The following SERBP1 variants were observed in gnomAD, a reference collection of about 807,000 sequenced individuals.
SERBP1 encodes the protein SERPINE1 mRNA-binding protein 1.
In SERBP1, 6 loss-of-function variants were observed where a neutral mutation model predicts 50.2. That is an observed-to-expected ratio of 0.12 (90% CI 0.07 to 0.24). The LOEUF is 0.24. Ranked by LOEUF, SERBP1 falls within the 10% of genes least tolerant of loss-of-function variation. The pLI is 1.00. For missense variants in SERBP1, 346 were observed against 524.9 expected, an observed-to-expected ratio of 0.66 and a Z score of 3.33; for synonymous variants, 168 against 182.8, an observed-to-expected ratio of 0.92 and a Z score of 0.65.
rs1270173867 is a variant in SERBP1, at chr1:67,409,240, T to G, written c.*3967A>C. ...CAGACTGTTTCAAAGAAACAAACTC[T>G]TGTAACCCGAGAGTGACAGTTCCGG... On this transcript the variant is annotated 3_prime_UTR_variant, in exon 8 of 8. Transcript: ENST00000361219. 1 of 151,790 alleles carries G rather than the reference T, an allele frequency of 6.6e-6. No individual in the cohort carries two copies. Among genetic ancestry groups the G allele is most frequent in the African/African-American group, 2.4e-5 (1 of 41,330 alleles). 9.4% of individuals were successfully genotyped at this position (151,790 alleles called of 1,614,324 possible). A position where few individuals can be genotyped will look rare whatever the true frequency, so the allele number is the denominator to read the frequency against.
At chr1:67,424,404 T>G in intron 4 of SERBP1, 127 bp from the exon 5 acceptor site, 1 of 1,215,218 alleles carries the variant, frequency 8.2e-7, no homozygotes, top group East Asian at 2.4e-5. Context: ...TACCATAAGC[T>G]CTCACATTCT....
chr1:67,426,296 A>C lies in SERBP1; in HGVS notation c.314-11T>G. 1 of 1,576,822 alleles carries C rather than the reference A, an allele frequency of 6.3e-7. No individual in the cohort carries two copies. The highest frequency in any genetic ancestry group is 8.6e-7 in the Non-Finnish European group (1 of 1,164,244). The stretch of plus-strand genomic sequence containing the variant: ...CAACTCGTCTTATTCCTAAAACGAT[A>C]AGATAACCTGCATAAGCAAATTATT... On this transcript the variant is annotated splice_polypyrimidine_tract_variant and intron_variant, in intron 1 of 7. Transcript: ENST00000361219.
intron 1 of SERBP1, 23 bp downstream of exon 1, chr1:67,429,965 C>T (rs1667518479): frequency 6.3e-7 from 1 of 1,578,146 alleles, no homozygotes; most frequent in African/African-American, 1.4e-5. Flanking sequence ...CCCAGTCTCC[C>T]CCACATTCTG....
intron 5 of SERBP1, among the ~76,000 whole-genome samples, chr1:67,423,485 T>C (rs1035442471): frequency 5.3e-5 from 8 of 151,680 alleles, no homozygotes; most frequent in African/African-American, 1.7e-4. Flanking sequence ...CAGGCACCTA[T>C]AGTCCCAGCT....
chr1:67,419,307 T>C (rs1013847361), intron 6 of SERBP1, among the ~76,000 whole-genome samples: 1 of 152,270 alleles, frequency 6.6e-6, no homozygotes, highest in African/African-American at 2.4e-5. Context: ...TAACTGGTTA[T>C]GTTATCACTA....
intron 5 of SERBP1, among the ~76,000 whole-genome samples, chr1:67,423,888 C>G (rs12566098): frequency 0.58 from 87,641 of 151,838 alleles, 27,194 homozygotes; most frequent in Non-Finnish European, 0.69. Flanking sequence ...TACACATAAA[C>G]CACTCTTTTA....
At chr1:67,421,407 T>G (rs948363193) in intron 5 of SERBP1, among the ~76,000 whole-genome samples, 1 of 152,168 alleles carries the variant, frequency 6.6e-6, no homozygotes, top group Admixed American at 6.5e-5. Flanking sequence ...AGTTAGTTCA[T>G]CAAAGTCAGC....
intron 1 of SERBP1, among the ~76,000 whole-genome samples, chr1:67,426,497 CATAA>C (rs1211702793): frequency 6.6e-6 from 1 of 152,126 alleles, no homozygotes; most frequent in African/African-American, 2.4e-5. Flanking sequence ...CGACTAAATA[CATAA>C]ATAAATAAAA....
At chr1:67,420,337 C>T (rs571123119) in intron 5 of SERBP1, 151 bp from the exon 6 acceptor site, 1 of 640,646 alleles carries the variant, frequency 1.6e-6, no homozygotes, top group East Asian at 3.0e-5. Flanking sequence ...TCCTATGTAA[C>T]TAAGCAACTT....
At chr1:67,415,125 G>A in intron 7 of SERBP1, 41 bp downstream of exon 7, 1 of 1,526,924 alleles carries the variant, frequency 6.5e-7, no homozygotes. Flanking sequence ...CTTATAAGAG[G>A]TCCTTAAATT....
rs1447709791 is a variant in SERBP1 at position 67,430,245 on chromosome 1, T to C, written c.56A>G (p.Gln19Arg). 1 of 1,585,382 alleles carries C rather than the reference T, an allele frequency of 6.3e-7. No homozygotes were observed. The highest frequency in any genetic ancestry group is 8.5e-7 in the Non-Finnish European group (1 of 1,170,164). ...GGGGTCCGATTCGTCGTCAAATAAC[T>C]GGTCGAATCGGTTGGTGACCACGCA... ...FGCVVTNRFDQLFDDESDPFE... is the reference protein window; with the variant it reads ...FGCVVTNRFDRLFDDESDPFE... Residue 19 changes from glutamine (Q) to arginine (R), a missense_variant, in exon 1 of 8, where the codon CAG becomes CGG. By Grantham distance (43) the Gln-to-Arg change is conservative (BLOSUM62 1). Transcript: ENST00000361219.
rs974230422 is a variant in SERBP1, at chr1:67,410,491, T to C, written c.*2716A>G. ...AGAGTAAAGGAACTAACTAGATGTA[T>C]ATGGTGCCAATTTTTAAAAGTCTTG... On this transcript the variant is annotated 3_prime_UTR_variant, in exon 8 of 8. Transcript: ENST00000361219. 2.0e-5 allele frequency: 3 copies of C among 152,216 alleles called. No individual in the cohort carries two copies. Among genetic ancestry groups the C allele is most frequent in the African/African-American group, 4.8e-5 (2 of 41,458 alleles). The allele number at this position is 152,216 out of a possible 1,614,324, so 9.4% of individuals were successfully genotyped here.
rs1666751617 is a variant in SERBP1 at position 67,409,411 on chromosome 1, A to ACACACT, written c.*3795_*3796insAGTGTG. 7.9e-6 allele frequency: 1 copy of ACACACT among 127,272 alleles called. No individual in the cohort carries two copies. Among genetic ancestry groups the ACACACT allele is most frequent in the African/African-American group, 3.7e-5 (1 of 27,004 alleles). 7.9% of individuals were successfully genotyped at this position (127,272 alleles called of 1,614,324 possible). A position where few individuals can be genotyped will look rare whatever the true frequency, so the allele number is the denominator to read the frequency against. On this transcript the variant is annotated 3_prime_UTR_variant, in exon 8 of 8. Coordinates refer to ENST00000361219, the MANE Select transcript of SERBP1 (RefSeq NM_001018069.2). ...GACACACACACACACACACACACAC[A>ACACACT]CACACACACCCCCACACACACCAGG...
chr1:67,420,640 G>C (rs1424931425), intron 5 of SERBP1: 1 of 152,634 alleles, frequency 6.6e-6, no homozygotes, highest in African/African-American at 2.4e-5. Context: ...CAGCAACCAG[G>C]GTTCAAATTT....
intron 4 of SERBP1, 121 bp downstream of exon 4, chr1:67,424,767 G>C (rs560287340): frequency 2.6e-6 from 2 of 755,940 alleles, no homozygotes; most frequent in African/African-American, 1.8e-5. Flanking sequence ...ACATTATCTT[G>C]TAATATAGTA....
rs1666766969 is a variant in SERBP1, at chr1:67,409,706, TGAA to T, written c.*3498_*3500del. On this transcript the variant is annotated 3_prime_UTR_variant, in exon 8 of 8. Coordinates refer to ENST00000361219, the MANE Select transcript of SERBP1 (RefSeq NM_001018069.2). ...ATTTGAACTTAAAAGTCAAGGAAGA[TGAA>T]GAGGTAATCCCAGGGCACAGCTTAG... 6.6e-6 allele frequency: 1 copy of T among 152,182 alleles called. No homozygotes were observed. The highest frequency in any genetic ancestry group is 2.4e-5 in the African/African-American group (1 of 41,438). 9.4% of individuals were successfully genotyped at this position (152,182 alleles called of 1,614,324 possible). A position where few individuals can be genotyped will look rare whatever the true frequency, so the allele number is the denominator to read the frequency against.
intron 5 of SERBP1, among the ~76,000 whole-genome samples, chr1:67,421,781 A>G (rs1444755323): frequency 6.6e-6 from 1 of 152,056 alleles, no homozygotes; most frequent in East Asian, 1.9e-4. Flanking sequence ...TGGTGTAACC[A>G]TGTCTCTACT....
chr1:67,426,343 G>C, intron 1 of SERBP1, 58 bp from the exon 2 acceptor site: 1 of 1,493,398 alleles, frequency 6.7e-7, no homozygotes, highest in Admixed American at 2.3e-5. Flanking sequence ...AAAACTTTAG[G>C]CCTGGACTGT....
chr1:67,427,411 G>A (rs958107912), intron 1 of SERBP1, among the ~76,000 whole-genome samples: 7 of 152,116 alleles, frequency 4.6e-5, no homozygotes, highest in Non-Finnish European at 7.4e-5. Flanking sequence ...AGCAGCTGAG[G>A]AATTGGTTTT....
Sources: gnomAD v4.1 joint callset for allele counts (sites outside exome capture counted in the v4.1 genomes callset) on GRCh38, gnomAD v4.1.1 for gene constraint, MANE v1.5 for transcripts, NCBI Gene and HGNC (gene_info 2026-07-23, HGNC 2026-07-21) for gene names.